RBFOX1: variants seen among roughly 807,000 people sequenced by gnomAD.
The protein encoded by RBFOX1 is RNA binding protein fox-1 homolog 1.
RBFOX1 carries 8 observed loss-of-function variants against 57.7 expected under a neutral mutation model. The observed-to-expected ratio is 0.14, with a 90% CI of 0.08 to 0.25. The LOEUF (loss-of-function observed/expected upper bound fraction) is 0.25. Ranked by LOEUF, RBFOX1 falls within the 10% of genes least tolerant of loss-of-function variation. The probability of loss-of-function intolerance (pLI) is 1.00; values close to 1 mark genes in which losing one functional copy is unlikely to be tolerated. For synonymous variants in RBFOX1, 326 were observed against 222.4 expected, an observed-to-expected ratio of 1.47 and a Z score of -4.15; for missense variants, 611 against 548.5, an observed-to-expected ratio of 1.11 and a Z score of -1.14.
chr16:5,687,575 G>T (rs943333013), intron 3 of RBFOX1, among the ~76,000 whole-genome samples: 1 of 152,176 alleles, frequency 6.6e-6, no homozygotes, highest in Non-Finnish European at 1.5e-5. Context: ...TAAAGTTTCA[G>T]ACTAAGTCTT....
chr16:7,691,453 A>G (rs2077312784), intron 14 of RBFOX1, among the ~76,000 whole-genome samples: 1 of 151,864 alleles, frequency 6.6e-6, no homozygotes, highest in East Asian at 1.9e-4. Context: ...GGAAAGGAGA[A>G]AAGGAAGGAA....
chr16:5,557,257 C>CTAAA (rs2045713525), intron 2 of RBFOX1, among the ~76,000 whole-genome samples: 1 of 135,394 alleles, frequency 7.4e-6, no homozygotes, highest in Admixed American at 7.7e-5. Context: ...GAGACTCCAT[C>CTAAA]TCAATAAATA....
intron 3 of RBFOX1, among the ~76,000 whole-genome samples, chr16:6,793,832 G>A (rs557852816): frequency 2.0e-5 from 3 of 152,206 alleles, no homozygotes; most frequent in South Asian, 2.1e-4. Context: ...AGAAGGTGAT[G>A]TATTAAAGTG....
intron 2 of RBFOX1, among the ~76,000 whole-genome samples, chr16:6,350,444 GAAAAAAAAAAAAAAAA>G (rs569363563): frequency 2.7e-5 from 2 of 74,618 alleles, no homozygotes; most frequent in Non-Finnish European, 4.9e-5. Context: ...TCTGTCTCAA[GAAAAAAAAAAAAAAAA>G]AAAAAAAAAA....
At chr16:5,338,577 A>G (rs1000073760) in intron 1 of RBFOX1, among the ~76,000 whole-genome samples, 2 of 152,166 alleles carry the variant, frequency 1.3e-5, no homozygotes, top group Admixed American at 1.3e-4. Context: ...AACAATATAC[A>G]TTTATTATTA....
At chr16:5,257,475 C>T (rs2062616477) in intron 1 of RBFOX1, among the ~76,000 whole-genome samples, 2 of 152,194 alleles carry the variant, frequency 1.3e-5, no homozygotes, top group South Asian at 4.1e-4. Context: ...TTCTTCCCAT[C>T]CTTTTCCTTG....
chr16:6,266,154 T>C (rs1305970948), intron 1 of RBFOX1, among the ~76,000 whole-genome samples: 1 of 152,142 alleles, frequency 6.6e-6, no homozygotes, highest in Non-Finnish European at 1.5e-5. Context: ...CTTCTCCCAC[T>C]GTGGAGAGAT....
chr16:6,757,155 G>A (rs2075932235), intron 3 of RBFOX1, among the ~76,000 whole-genome samples: 1 of 152,138 alleles, frequency 6.6e-6, no homozygotes, highest in African/African-American at 2.4e-5. Flanking sequence ...ATAAATGCTA[G>A]CAAGGATGTG....
intron 3 of RBFOX1, among the ~76,000 whole-genome samples, chr16:6,914,917 C>T (rs2072726898): frequency 6.6e-6 from 1 of 152,198 alleles, no homozygotes; most frequent in Admixed American, 6.5e-5. Context: ...AGGTTTGAGA[C>T]AGCCCTCACT....
intron 1 of RBFOX1, among the ~76,000 whole-genome samples, chr16:6,135,829 C>T (rs1195419868): frequency 8.4e-6 from 1 of 118,642 alleles, no homozygotes; most frequent in African/African-American, 3.3e-5. Context: ...CAGTCTTGCT[C>T]TGTCGCCCAG....
chr16:7,276,713 C>T (rs192753006), intron 4 of RBFOX1, among the ~76,000 whole-genome samples: 2 of 152,092 alleles, frequency 1.3e-5, no homozygotes, highest in East Asian at 1.9e-4. Flanking sequence ...ATGATTTGAT[C>T]GTGTTGAGGA....
At chr16:6,119,292 T>G (rs886336197) in intron 1 of RBFOX1, among the ~76,000 whole-genome samples, 2 of 152,176 alleles carry the variant, frequency 1.3e-5, no homozygotes, top group African/African-American at 4.8e-5. Context: ...ATCTGCTGTT[T>G]GACCCTGAGT....
rs372142834 is a variant in RBFOX1 at position 6,647,147 on chromosome 16, T to A, written c.-63-7456T>A. On this transcript the variant is annotated intron_variant, in intron 2 of 15. Transcript: ENST00000550418. ...GTCAGTCATTCTCACTGGGTCCTCA[T>A]TTGGACATTCCTGGGCTTACGCTAC... Among the ~76,000 whole-genome samples, 14 of 152,294 alleles carry A rather than the reference T, an allele frequency of 9.2e-5. No individual in the cohort carries two copies. The Middle Eastern group carries it at 0.01, about 111-fold the overall frequency.
At chr16:7,150,552 C>G (rs1030182686) in intron 4 of RBFOX1, among the ~76,000 whole-genome samples, 1 of 152,184 alleles carries the variant, frequency 6.6e-6, no homozygotes, top group African/African-American at 2.4e-5. Context: ...GTGTGATCAA[C>G]TCTTAACAGA....
At chr16:7,452,512 A>G (rs536413738) in intron 4 of RBFOX1, among the ~76,000 whole-genome samples, 1 of 152,308 alleles carries the variant, frequency 6.6e-6, no homozygotes, top group African/African-American at 2.4e-5. Context: ...CTTATCAGTA[A>G]CACAGGAAAA....
chr16:5,548,066 C>T (rs1207863308), intron 2 of RBFOX1, among the ~76,000 whole-genome samples: 1 of 150,484 alleles, frequency 6.6e-6, no homozygotes, highest in Admixed American at 6.7e-5. Flanking sequence ...GAAGCTGAGA[C>T]AGGAGAATCC....
Position 7,463,840 on chromosome 16 carries a change from G to A in RBFOX1, c.28-54307G>A, listed in dbSNP as rs538284208. 3.1e-4 allele frequency among the ~76,000 whole-genome samples: 47 copies of A among 152,318 alleles called. No individual in the cohort carries two copies. In the South Asian group the frequency reaches 7.9e-3, roughly 25 times the overall value. On this transcript the variant is annotated intron_variant, in intron 4 of 15. Transcript: ENST00000550418. ...AATGTCACTCTATACCAGCCACTGA[G>A]ATAGATACTTCAAATTGATTGGATC...
chr16:5,542,401 A>T (rs1597457877), intron 2 of RBFOX1, among the ~76,000 whole-genome samples: 1 of 150,878 alleles, frequency 6.6e-6, no homozygotes, highest in South Asian at 2.1e-4. Flanking sequence ...GGCATGCGCC[A>T]CCATGCCTGG....
At chr16:7,615,200 G>T (rs1019650271) in intron 10 of RBFOX1, among the ~76,000 whole-genome samples, 2 of 152,158 alleles carry the variant, frequency 1.3e-5, no homozygotes, top group Admixed American at 6.5e-5. Flanking sequence ...GGGCGTGGTG[G>T]CGGGCACCTG....
Sources: gnomAD v4.1 joint callset for allele counts (sites outside exome capture counted in the v4.1 genomes callset) on GRCh38, gnomAD v4.1.1 for gene constraint, MANE v1.5 for transcripts, NCBI Gene and HGNC (gene_info 2026-07-23, HGNC 2026-07-21) for gene names.